The following RCC2 variants were observed in gnomAD, a reference collection of about 807,000 sequenced individuals.
The protein encoded by RCC2 is protein RCC2.
Under a neutral mutation model 64.1 loss-of-function variants are expected in RCC2, and 19 were observed. That is an observed-to-expected ratio of 0.30 (90% CI 0.21 to 0.44). RCC2 has a LOEUF of 0.44. Ranked by LOEUF, RCC2 falls within the 20% of genes least tolerant of loss-of-function variation. The pLI is 1.00. For missense variants in RCC2, 508 were observed against 710.4 expected (o/e 0.72, Z 3.24); for synonymous variants, 325 against 279.6 (o/e 1.16, Z -1.62).
At chr1:17,431,518 A>AAAAG (rs1430766242) in intron 2 of RCC2, among the ~76,000 whole-genome samples, 5 of 144,778 alleles carry the variant, frequency 3.5e-5, no homozygotes, top group African/African-American at 1.3e-4. Context: ...AAAAAAAAAA[A>AAAAG]AAAGAAAGAA....
intron 1 of RCC2, 76 bp from the exon 2 acceptor site, chr1:17,438,598 C>T (rs2075771119): frequency 1.0e-5 from 13 of 1,242,898 alleles, no homozygotes; most frequent in Non-Finnish European, 1.3e-5. Context: ...CGGAGACGAG[C>T]CACCCGGCCT....
Position 17,437,529 on chromosome 1 carries a change from G to A in RCC2, c.285+701C>T, listed in dbSNP as rs1420323567. ...ATTTGAGAAAACAGAAGCCCGCCCA[G>A]GACCCTAGGAGATGCTTCTTCACTT... On this transcript the variant is annotated intron_variant, in intron 2 of 12. Transcript: ENST00000375436. Among the ~76,000 whole-genome samples, 6 of 152,294 alleles carry A rather than the reference G, an allele frequency of 3.9e-5. No homozygotes were observed. In the East Asian group the frequency reaches 1.2e-3, roughly 29 times the overall value.
At chr1:17,420,127 T>A (rs755140182) in intron 7 of RCC2, among the ~76,000 whole-genome samples, 2 of 152,016 alleles carry the variant, frequency 1.3e-5, no homozygotes, top group Non-Finnish European at 2.9e-5. Flanking sequence ...GCACTTAGGG[T>A]CCGATGGGAA....
chr1:17,434,625 A>C (rs2075716843), intron 2 of RCC2, among the ~76,000 whole-genome samples: 1 of 152,242 alleles, frequency 6.6e-6, no homozygotes, highest in South Asian at 2.1e-4. Flanking sequence ...AGAAGCTACC[A>C]GGGACTGGAC....
In RCC2 at chr1:17,425,559, C is replaced by A; in HGVS notation, c.505G>T (p.Gly169Trp). The A allele has an allele frequency of 6.2e-7, 1 of 1,612,930 alleles. No homozygotes were observed. Among genetic ancestry groups the A allele is most frequent in the Non-Finnish European group, 8.5e-7 (1 of 1,179,386 alleles). ...TACTCACCCCAGCTCCACAGCTTCC[C>A]TTCCGTGGTGATGAGGAGGCTGTGT... The part of the protein sequence containing the change: ...AAHSLLITTE[G>W]KLWSWGRNEK... Residue 169 changes from glycine (G) to tryptophan (W), a missense_variant, in exon 4 of 13, where the codon GGG becomes TGG. By Grantham distance (184) the Gly-to-Trp change is radical. This residue lies in a region of RCC2 where 132 missense variants were observed against 207.3 expected (regional missense o/e 0.64). Coordinates refer to ENST00000375436, the MANE Select transcript of RCC2 (RefSeq NM_018715.4).
intron 2 of RCC2, among the ~76,000 whole-genome samples, chr1:17,436,328 A>C (rs941037143): frequency 6.6e-6 from 1 of 152,076 alleles, no homozygotes; most frequent in African/African-American, 2.4e-5. Context: ...ACATGGTAAA[A>C]CCCAGCCTCT....
chr1:17,418,380 C>T (rs1383391126), intron 7 of RCC2, among the ~76,000 whole-genome samples: 7 of 152,088 alleles, frequency 4.6e-5, no homozygotes, highest in South Asian at 2.1e-4. Context: ...GGGTCTTGGC[C>T]GGGCGCGGTG....
chr1:17,418,440 C>T (rs989814398), intron 7 of RCC2, among the ~76,000 whole-genome samples: 1 of 152,120 alleles, frequency 6.6e-6, no homozygotes, highest in Non-Finnish European at 1.5e-5. Flanking sequence ...CGGCGGATCA[C>T]GAGGTCAAGA....
chr1:17,414,700 C>A, intron 8 of RCC2, among the ~76,000 whole-genome samples: 1 of 152,116 alleles, frequency 6.6e-6, no homozygotes, highest in Admixed American at 6.5e-5. Context: ...GGCACGATCA[C>A]GGCTCACCAC....
intron 3 of RCC2, among the ~76,000 whole-genome samples, chr1:17,428,646 C>T (rs1462122156): frequency 2.0e-5 from 3 of 152,170 alleles, no homozygotes; most frequent in Non-Finnish European, 4.4e-5. Flanking sequence ...TGCTTTCCCC[C>T]GCTCCAGACT....
chr1:17,418,550 A>G (rs2075516177), intron 7 of RCC2, among the ~76,000 whole-genome samples: 1 of 151,948 alleles, frequency 6.6e-6, no homozygotes, highest in Non-Finnish European at 1.5e-5. Context: ...CCAGCTACTC[A>G]GGAGGCTGAG....
Position 17,420,716 on chromosome 1 carries a change from A to T in RCC2, c.857T>A (p.Leu286Gln). 1 of 1,590,420 alleles carries T rather than the reference A, an allele frequency of 6.3e-7. No homozygotes were observed. Among genetic ancestry groups the T allele is most frequent in the Non-Finnish European group, 8.6e-7 (1 of 1,168,754 alleles). Residue 286 changes from leucine to glutamine, a missense_variant and splice_region_variant, in exon 7 of 13, where the codon CTG becomes CAG. Leu to Gln is a moderately radical substitution (Grantham distance 113, BLOSUM62 -2). This residue lies in a region of RCC2 where 179 missense variants were observed against 322.0 expected (regional missense o/e 0.56). Transcript: ENST00000375436. ...TTTTAAAAAATGTACTTCCATACCC[A>T]GCTGACCATATTCAGGGCACCCAAA... ...YSFGCPEYGQ[L>Q]GHNSDGKFIA... is the part of the protein sequence containing the mutation.
intron 10 of RCC2, among the ~76,000 whole-genome samples, 167 bp from the exon 11 acceptor site, chr1:17,412,361 G>C (rs1430758000): frequency 6.6e-6 from 1 of 152,212 alleles, no homozygotes; most frequent in Non-Finnish European, 1.5e-5. Flanking sequence ...TCCTAAGATT[G>C]TTCCGTGCAG....
chr1:17,431,499 C>CCAAAAAAAA (rs1491306225), intron 2 of RCC2, among the ~76,000 whole-genome samples: 1 of 57,904 alleles, frequency 1.7e-5, no homozygotes, highest in African/African-American at 7.5e-5. Context: ...AGCCCTGTCT[C>CCAAAAAAAA]AAAAAAAAAA....
intron 12 of RCC2, among the ~76,000 whole-genome samples, 172 bp downstream of exon 12, chr1:17,409,802 T>C (rs1243438685): frequency 6.6e-6 from 1 of 152,196 alleles, no homozygotes; most frequent in African/African-American, 2.4e-5. Flanking sequence ...GTGCACTCTC[T>C]CCTGCAGAAT....
In RCC2 at chr1:17,413,085, C is replaced by A; in HGVS notation, c.1301G>T (p.Ser434Ile). ...VQDLCGWRIRSLACGKSSIIV... is the reference protein window; with the variant it reads ...VQDLCGWRIRILACGKSSIIV... ...TGCTGCCACCTACCCACAAGCCAGGCTCCGGATTCTCCAGCCGCAGAGGTC... is the reference window on the plus strand; with the variant it reads ...TGCTGCCACCTACCCACAAGCCAGGATCCGGATTCTCCAGCCGCAGAGGTC... The change falls in exon 10 of 13, where the codon AGC becomes ATC. Residue 434 changes from serine (S) to isoleucine (I), a missense_variant. Physicochemically the swap from Ser to Ile is moderately radical, Grantham distance 142. Around this residue, in one of 4 missense-constraint regions of RCC2, gnomAD observed 179 missense variants for 322.0 expected, o/e 0.56. Transcript: ENST00000375436. The A allele has an allele frequency of 6.2e-7, 1 of 1,613,364 alleles. No homozygotes were observed. The highest frequency in any genetic ancestry group is 8.5e-7 in the Non-Finnish European group (1 of 1,179,612).
chr1:17,417,627 G>T (rs1460868203), intron 7 of RCC2, among the ~76,000 whole-genome samples: 2 of 152,094 alleles, frequency 1.3e-5, no homozygotes, highest in Non-Finnish European at 2.9e-5. Context: ...AGGTTGCAGT[G>T]AGCAGAGATC....
chr1:17,427,598 T>C (rs538337615), intron 3 of RCC2, among the ~76,000 whole-genome samples: 4 of 151,898 alleles, frequency 2.6e-5, no homozygotes, highest in East Asian at 3.9e-4. Flanking sequence ...GATTGACGAG[T>C]ATCATCACGA....
At chr1:17,431,142 C>A (rs1344431592) in intron 2 of RCC2, among the ~76,000 whole-genome samples, 6 of 149,990 alleles carry the variant, frequency 4.0e-5, no homozygotes, top group Non-Finnish European at 7.4e-5. Flanking sequence ...ACCATCCTGG[C>A]TAGCACGGTG....
Sources: allele counts gnomAD v4.1 joint callset (sites outside exome capture counted in the v4.1 genomes callset), GRCh38; gene constraint gnomAD v4.1.1; regional missense constraint gnomAD v4.1.1; transcripts MANE v1.5; gene names NCBI Gene and HGNC (gene_info 2026-07-23, HGNC 2026-07-21).